The following POLN variants were observed in gnomAD, a reference collection of about 807,000 sequenced individuals.
The protein encoded by POLN is DNA polymerase N.
POLN carries 108 observed loss-of-function variants against 113.5 expected under a neutral mutation model. The ratio of observed to expected loss-of-function variants is 0.95; its 90% CI spans 0.81 to 1.12. POLN has a LOEUF of 1.12. Ranked by LOEUF, POLN falls within the 50% of genes most tolerant of loss-of-function variation. The probability of loss-of-function intolerance (pLI) is 0.00; values close to 1 mark genes in which losing one functional copy is unlikely to be tolerated. For missense variants in POLN, 1,097 were observed against 1,077.1 expected (o/e 1.02, Z -0.26); for synonymous variants, 386 against 391.5 (o/e 0.99, Z 0.17).
intron 20 of POLN, among the ~76,000 whole-genome samples, chr4:2,094,791 A>T (rs1226347880): frequency 6.6e-6 from 1 of 152,166 alleles, no homozygotes; most frequent in African/African-American, 2.4e-5. Context: ...CGCTTGTTCA[A>T]CGGCACCACA....
chr4:2,175,571 T>C (rs374450277), intron 9 of POLN, among the ~76,000 whole-genome samples: 20 of 152,234 alleles, frequency 1.3e-4, no homozygotes, highest in African/African-American at 4.6e-4. Context: ...GAATCTCTAT[T>C]TATCCGGGCC....
intron 19 of POLN, among the ~76,000 whole-genome samples, chr4:2,114,435 T>C (rs1010610910): frequency 5.9e-5 from 9 of 152,224 alleles, no homozygotes; most frequent in Non-Finnish European, 1.2e-4. Context: ...CTAAGACACA[T>C]TCCTTTGGAT....
At chr4:2,146,369 G>A (rs111767447) in intron 16 of POLN, among the ~76,000 whole-genome samples, 138 of 152,168 alleles carry the variant, frequency 9.1e-4, no homozygotes, top group Middle Eastern at 3.4e-3. Context: ...TTAGCCAGGC[G>A]TGGTGGCACG....
intron 16 of POLN, among the ~76,000 whole-genome samples, chr4:2,154,272 G>A (rs1432756238): frequency 6.8e-6 from 1 of 147,412 alleles, no homozygotes; most frequent in Non-Finnish European, 1.5e-5. Context: ...AAAGTTAAAA[G>A]GCAAAAGAAA....
intron 2 of POLN, chr4:2,240,511 T>C (rs1734941417): frequency 6.2e-7 from 1 of 1,613,902 alleles, no homozygotes; most frequent in Non-Finnish European, 8.5e-7. Context: ...TTCAGCTTTT[T>C]AGTGGCTTCT....
intron 2 of POLN, among the ~76,000 whole-genome samples, chr4:2,239,264 T>C (rs1259251199): frequency 6.6e-6 from 1 of 152,222 alleles, no homozygotes; most frequent in Non-Finnish European, 1.5e-5. Context: ...ACCATATATA[T>C]AGTAACGGCT....
At position 2,080,974 on chromosome 4, in the gene POLN, G is replaced by C; in HGVS notation, c.2371C>G (p.His791Asp). 2 of 1,613,884 alleles carry C rather than the reference G, an allele frequency of 1.2e-6. No homozygotes were observed. Among genetic ancestry groups the C allele is most frequent in the Non-Finnish European group, 1.7e-6 (2 of 1,179,970 alleles). The change falls in exon 23 of 26, where the codon CAC becomes GAC. Residue 791 changes from histidine to aspartate, a missense_variant. Coordinates refer to ENST00000511885, the MANE Select transcript of POLN (RefSeq NM_181808.4). ...IHVFTAVAAS[H>D]TLTARLVAQI... ...CCCACTGACCTGGCCGTCAAGGTGT[G>C]GGAAGCAGCCACTGCAGTGAAGACA... is the stretch of plus-strand genomic sequence containing the variant.
chr4:2,180,917 C>T (rs11946841), intron 7 of POLN, among the ~76,000 whole-genome samples: 1 of 151,506 alleles, frequency 6.6e-6, no homozygotes, highest in Non-Finnish European at 1.5e-5. Flanking sequence ...AAGAGTAAAA[C>T]CTGTAAAAAA....
chr4:2,095,799 G>A, intron 20 of POLN, 52 bp downstream of exon 20: 3 of 1,508,684 alleles, frequency 2.0e-6, no homozygotes, highest in Non-Finnish European at 2.8e-6. Flanking sequence ...CAGGCACACA[G>A]CTGCCAGCTT....
Position 2,225,486 on chromosome 4 carries a change from G to C in POLN, c.133+3613C>G, listed in dbSNP as rs181990591. On this transcript the variant is annotated intron_variant, in intron 3 of 25. Coordinates refer to ENST00000511885, the MANE Select transcript of POLN (RefSeq NM_181808.4). ...AGGAGAATCCCTTGAACCCAGGAGGGGGGGTTGCAGTGAGCCGAGATCGCA... is the reference window on the plus strand; with the variant it reads ...AGGAGAATCCCTTGAACCCAGGAGGCGGGGTTGCAGTGAGCCGAGATCGCA... 7.2e-4 allele frequency among the ~76,000 whole-genome samples: 109 copies of C among 151,468 alleles called. 1 individual carries two copies. The highest frequency in any genetic ancestry group is 2.5e-3 in the African/African-American group (103 of 41,220).
At chr4:2,218,699 CAG>C (rs1734181605) in intron 3 of POLN, among the ~76,000 whole-genome samples, 1 of 152,154 alleles carries the variant, frequency 6.6e-6, no homozygotes, top group Non-Finnish European at 1.5e-5. Flanking sequence ...ATTGTCCATT[CAG>C]AGTGAATATT....
At chr4:2,157,823 T>A in intron 15 of POLN, 35 bp downstream of exon 15, 1 of 1,503,188 alleles carries the variant, frequency 6.7e-7, no homozygotes, top group South Asian at 1.1e-5. Flanking sequence ...AAAACCACAG[T>A]CCTAATCACA....
intron 19 of POLN, among the ~76,000 whole-genome samples, chr4:2,125,833 C>G (rs892427139): frequency 6.6e-6 from 1 of 152,078 alleles, no homozygotes; most frequent in African/African-American, 2.4e-5. Flanking sequence ...AGTGACAGAC[C>G]TGGACAGAGA....
At chr4:2,123,844 C>T (rs560719264) in intron 19 of POLN, among the ~76,000 whole-genome samples, 116 of 151,774 alleles carry the variant, frequency 7.6e-4, no homozygotes, top group Non-Finnish European at 1.2e-3. Context: ...AAAACCAAAC[C>T]TGTATACAAA....
chr4:2,080,932 G>A (rs924678691), intron 23 of POLN, 26 bp downstream of exon 23: 4 of 1,613,554 alleles, frequency 2.5e-6, no homozygotes, highest in Non-Finnish European at 2.5e-6. Flanking sequence ...TCCCATCCAA[G>A]CCCTGGGAGA....
chr4:2,169,149 G>A (rs57146452), intron 13 of POLN, among the ~76,000 whole-genome samples: 2 of 152,192 alleles, frequency 1.3e-5, no homozygotes, highest in African/African-American at 4.8e-5. Flanking sequence ...GCGCTGGAGT[G>A]GGGGGAGAGA....
intron 3 of POLN, among the ~76,000 whole-genome samples, chr4:2,221,333 A>G (rs144730294): frequency 8.1e-4 from 123 of 152,252 alleles, no homozygotes; most frequent in African/African-American, 2.7e-3. Context: ...AAAGGAAAAT[A>G]AAATCTTGGG....
rs1560090924 is a variant in POLN at position 2,198,725 on chromosome 4, AAC to A, written c.715-10_715-9del. 1 of 1,589,768 alleles carries A rather than the reference AAC, an allele frequency of 6.3e-7. No individual in the cohort carries two copies. On this transcript the variant is annotated splice_polypyrimidine_tract_variant and intron_variant, in intron 5 of 25. Coordinates refer to ENST00000511885, the MANE Select transcript of POLN (RefSeq NM_181808.4). ...AACAGAAGAAACGGGGGTCTGTGGA[AAC>A]ACAACAAAATAAATTAAACCCAGAC...
At chr4:2,206,100 A>G (rs1733836124) in intron 5 of POLN, among the ~76,000 whole-genome samples, 1 of 152,162 alleles carries the variant, frequency 6.6e-6, no homozygotes, top group African/African-American at 2.4e-5. Context: ...AAACCCAAAT[A>G]CTTACAGCCA....
Sources: gnomAD v4.1 joint callset for allele counts (sites outside exome capture counted in the v4.1 genomes callset) on GRCh38, gnomAD v4.1.1 for gene constraint, MANE v1.5 for transcripts, NCBI Gene and HGNC (gene_info 2026-07-23, HGNC 2026-07-21) for gene names.